The following TRIM3 variants were observed in gnomAD, a reference collection of about 807,000 sequenced individuals.
The protein encoded by TRIM3 is tripartite motif-containing protein 3.
A neutral mutation model predicts 66.6 loss-of-function variants in TRIM3; 13 were observed. That is an observed-to-expected ratio of 0.20 (90% CI 0.13 to 0.31). The LOEUF (loss-of-function observed/expected upper bound fraction) is 0.31. Among genes scored for constraint, TRIM3 ranks in the 10% least tolerant of loss-of-function variants. The pLI is 1.00. For missense variants in TRIM3, 711 were observed against 1,020.4 expected, an observed-to-expected ratio of 0.70 and a Z score of 4.13; for synonymous variants, 406 against 411.7, an observed-to-expected ratio of 0.99 and a Z score of 0.17.
chr11:6,464,768 C>T (rs1407446960), intron 2 of TRIM3, among the ~76,000 whole-genome samples: 1 of 152,104 alleles, frequency 6.6e-6, no homozygotes, highest in Non-Finnish European at 1.5e-5. Context: ...AGGCGGATTG[C>T]CTGAGTTCAG....
At chr11:6,460,915 T>C (rs1332864070) in intron 2 of TRIM3, among the ~76,000 whole-genome samples, 1 of 139,246 alleles carries the variant, frequency 7.2e-6, no homozygotes, top group East Asian at 2.0e-4. Flanking sequence ...TTTTTTTTTT[T>C]TTTTTTTTGA....
At position 6,456,582 on chromosome 11, in the gene TRIM3, TGTG is replaced by T; in HGVS notation, c.1141_1143del (p.His381del). ...TACACTAGCTCATATGTGCCATTCT[TGTG>T]GTCCACCACTGGCACCGGAAGGCGC... On this transcript the variant is annotated inframe_deletion, in exon 6 of 12. Coordinates refer to ENST00000345851, the MANE Select transcript of TRIM3 (RefSeq NM_033278.4). The surrounding 1 kb of genome is among the most constrained non-coding windows in gnomAD (Gnocchi z 6.4). The T allele has an allele frequency of 6.2e-7, 1 of 1,612,944 alleles. No individual in the cohort carries two copies. Among genetic ancestry groups the T allele is most frequent in the Non-Finnish European group, 8.5e-7 (1 of 1,179,836 alleles).
Position 6,448,657 on chromosome 11 carries a change from G to C in TRIM3, c.*371C>G. 1 of 489,576 alleles carries C rather than the reference G, an allele frequency of 2.0e-6. No homozygotes were observed. Among genetic ancestry groups the C allele is most frequent in the African/African-American group, 1.9e-5 (1 of 51,958 alleles). 30.3% of individuals were successfully genotyped at this position (489,576 alleles called of 1,614,324 possible). On this transcript the variant is annotated 3_prime_UTR_variant, in exon 12 of 12. Coordinates refer to ENST00000345851, the MANE Select transcript of TRIM3 (RefSeq NM_033278.4). ...TTAATATGGGGGGTGGGGTATTGCTGTCTCTGTCAGTGTGTATAGGGTGGT... is the reference window on the plus strand; with the variant it reads ...TTAATATGGGGGGTGGGGTATTGCTCTCTCTGTCAGTGTGTATAGGGTGGT...
Position 6,466,057 on chromosome 11 carries a change from C to T in TRIM3, c.-37-325G>A, listed in dbSNP as rs527911024. ...ATAATTTGAGAGTGTGACATAGTGCCTGTTGAGTGCATGGTACAGAGATGT... is the reference window on the plus strand; with the variant it reads ...ATAATTTGAGAGTGTGACATAGTGCTTGTTGAGTGCATGGTACAGAGATGT... On this transcript the variant is annotated intron_variant, in intron 1 of 11. Coordinates refer to ENST00000345851, the MANE Select transcript of TRIM3 (RefSeq NM_033278.4). Among the ~76,000 whole-genome samples, 11 of 152,288 alleles carry T rather than the reference C, an allele frequency of 7.2e-5. No homozygotes were observed. In the East Asian group the frequency reaches 1.9e-3, roughly 27 times the overall value.
chr11:6,448,655 CTG>C lies in TRIM3; in HGVS notation c.*371_*372del. Reference sequence around the variant, plus strand: ...ATTTAATATGGGGGGTGGGGTATTGCTGTCTCTGTCAGTGTGTATAGGGTGGT... The same window carrying C: ...ATTTAATATGGGGGGTGGGGTATTGCTCTCTGTCAGTGTGTATAGGGTGGT... On this transcript the variant is annotated 3_prime_UTR_variant, in exon 12 of 12. Transcript: ENST00000345851. 2.1e-6 allele frequency: 1 copy of C among 478,754 alleles called. No individual in the cohort carries two copies. The highest frequency in any genetic ancestry group is 3.7e-6 in the Non-Finnish European group (1 of 267,680). 29.7% of individuals were successfully genotyped at this position (478,754 alleles called of 1,614,324 possible).
chr11:6,464,986 C>CAA (rs544959608), intron 2 of TRIM3, among the ~76,000 whole-genome samples: 12,015 of 53,546 alleles, frequency 0.22, 1,878 homozygotes, highest in Non-Finnish European at 0.3. Flanking sequence ...GACTCCATCT[C>CAA]AAAAAAAAAA....
chr11:6,463,191 A>G (rs1850316855), intron 2 of TRIM3, among the ~76,000 whole-genome samples: 1 of 152,152 alleles, frequency 6.6e-6, no homozygotes, highest in Admixed American at 6.5e-5. Context: ...GGTGACAGAG[A>G]GAGACTCTGT....
rs1375538202 is a variant in TRIM3 at position 6,456,921 on chromosome 11, G to A, written c.805C>T (p.Leu269=). 4 of 1,611,660 alleles carry A rather than the reference G, an allele frequency of 2.5e-6. No homozygotes were observed. Among genetic ancestry groups the A allele is most frequent in the Admixed American group, 1.7e-5 (1 of 60,030 alleles). ...CGCTCTCGCATGTGCTTGCGCACCA[G>A]CAACACCTCCGGGGCCGAGCCCAGG... ...LRLGSAPEVL[L]VRKHMRERLA... The change falls in exon 6 of 12, where the codon CTG becomes TTG. Residue 269 remains leucine (L), a synonymous_variant. Coordinates refer to ENST00000345851, the MANE Select transcript of TRIM3 (RefSeq NM_033278.4). The surrounding 1 kb of genome is among the most constrained non-coding windows in gnomAD (Gnocchi z 6.4).
intron 7 of TRIM3, among the ~76,000 whole-genome samples, chr11:6,453,535 A>G (rs1401901061): frequency 6.6e-6 from 1 of 152,182 alleles, no homozygotes; most frequent in African/African-American, 2.4e-5. Flanking sequence ...CCAGACAAAA[A>G]CAAAAACAAA....
chr11:6,461,585 C>T (rs962871614), intron 2 of TRIM3, among the ~76,000 whole-genome samples: 2 of 151,612 alleles, frequency 1.3e-5, no homozygotes, highest in African/African-American at 4.9e-5. Context: ...CCCCCATTTC[C>T]CATGCTCCCA....
chr11:6,457,180 G>A lies in TRIM3; in HGVS notation c.696+116C>T. Reference sequence around the variant, plus strand: ...CACAGCACCTACCGAGGGCATGTCAGGAGGCAGAATATCTAGGCTGGGGAA... The same window carrying A: ...CACAGCACCTACCGAGGGCATGTCAAGAGGCAGAATATCTAGGCTGGGGAA... On this transcript the variant is annotated intron_variant, in intron 5 of 11. Coordinates refer to ENST00000345851, the MANE Select transcript of TRIM3 (RefSeq NM_033278.4). The surrounding 1 kb of genome is among the most constrained non-coding windows in gnomAD (Gnocchi z 4.5). 2.0e-6 allele frequency: 3 copies of A among 1,524,618 alleles called. No individual in the cohort carries two copies. In the South Asian group the frequency reaches 3.7e-5, roughly 19 times the overall value. The allele number at this position is 1,524,618 out of a possible 1,614,324, so 94.4% of individuals were successfully genotyped here. A position where few individuals can be genotyped will look rare whatever the true frequency, so the allele number is the denominator to read the frequency against.
In TRIM3 at chr11:6,449,850, G is replaced by A. The variant is rs933604139; in HGVS notation, c.1942-404C>T. The A allele has an allele frequency of 1.2e-5, 2 of 171,974 alleles. No homozygotes were observed. The highest frequency in any genetic ancestry group is 5.8e-5 in the Admixed American group (1 of 17,320). 10.7% of individuals were successfully genotyped at this position (171,974 alleles called of 1,614,324 possible). The stretch of plus-strand genomic sequence containing the variant: ...GCATACACTGTCTCGTCTTTCTCAC[G>A]GTCCAGGCTCACATCATTTCTCATC... On this transcript the variant is annotated intron_variant, in intron 10 of 11. Transcript: ENST00000345851. This position sits in a 1 kb window ranked among gnomAD's most constrained non-coding sequence, Gnocchi z 5.3.
Position 6,448,844 on chromosome 11 carries a change from A to G in TRIM3, c.*184T>C, listed in dbSNP as rs2134149308. ...CAGTCCAGGCTCACCCAGTCACCAA[A>G]GCAAGAACCGAATAAATAAAGTGCA... On this transcript the variant is annotated 3_prime_UTR_variant, in exon 12 of 12. Coordinates refer to ENST00000345851, the MANE Select transcript of TRIM3 (RefSeq NM_033278.4). The G allele has an allele frequency of 1.4e-6, 1 of 705,558 alleles. No individual in the cohort carries two copies. Among genetic ancestry groups the G allele is most frequent in the East Asian group, 2.7e-5 (1 of 37,166 alleles). The allele number at this position is 705,558 out of a possible 1,614,324, so 43.7% of individuals were successfully genotyped here.
In TRIM3 at chr11:6,465,597, C is replaced by T. The variant is rs1406240113; in HGVS notation, c.99G>A (p.Lys33=). The change falls in exon 2 of 12, where the codon AAG becomes AAA. Residue 33 remains lysine, a synonymous_variant. Coordinates refer to ENST00000345851, the MANE Select transcript of TRIM3 (RefSeq NM_033278.4). ...SICLDRYQCP[K]VLPCLHTFCE... ...AGAAGGTGTGCAGGCAAGGAAGAACCTTGGGGCACTGGTACCGATCCAGGC... is the reference window on the plus strand; with the variant it reads ...AGAAGGTGTGCAGGCAAGGAAGAACTTTGGGGCACTGGTACCGATCCAGGC... 3 of 1,614,172 alleles carry T rather than the reference C, an allele frequency of 1.9e-6. No homozygotes were observed. In the East Asian group the frequency reaches 6.7e-5, roughly 36 times the overall value.
intron 1 of TRIM3, among the ~76,000 whole-genome samples, chr11:6,466,511 T>C (rs932974183): frequency 6.6e-6 from 1 of 152,224 alleles, no homozygotes; most frequent in African/African-American, 2.4e-5. Flanking sequence ...AGTCCTTATA[T>C]TGACCAGTGA....
At chr11:6,465,346 C>A (rs1451140624) in intron 2 of TRIM3, among the ~76,000 whole-genome samples, 1 of 152,184 alleles carries the variant, frequency 6.6e-6, no homozygotes, top group Non-Finnish European at 1.5e-5. Context: ...TTGACAGGAA[C>A]CATGGCCCAG....
rs1850052337 is a variant in TRIM3, at chr11:6,457,577, C to T, written c.516-101G>A. ...CTGCTGCCCTCATGGAGATCTCCTT[C>T]CTGAGACCTCCCTGAGACTTCCATC... On this transcript the variant is annotated intron_variant, in intron 4 of 11. Coordinates refer to ENST00000345851, the MANE Select transcript of TRIM3 (RefSeq NM_033278.4). This position sits in a 1 kb window ranked among gnomAD's most constrained non-coding sequence, Gnocchi z 4.5. 1.3e-6 allele frequency: 2 copies of T among 1,548,240 alleles called. No individual in the cohort carries two copies. Among genetic ancestry groups the T allele is most frequent in the Admixed American group, 3.5e-5 (2 of 57,566 alleles).
chr11:6,474,455 G>A (rs1850860412), upstream of TRIM3: 3 of 152,412 alleles, frequency 2.0e-5, no homozygotes, highest in South Asian at 6.2e-4. Context: ...AACTCTGGGA[G>A]AAGGAGTTAA....
At chr11:6,452,637 C>CA (rs1564962641) in intron 7 of TRIM3, 1 of 152,250 alleles carries the variant, frequency 6.6e-6, no homozygotes, top group Non-Finnish European at 1.5e-5. Context: ...CTGACCAGCA[C>CA]AGCTCTTGGG....
Sources: gnomAD v4.1 joint callset for allele counts (sites outside exome capture counted in the v4.1 genomes callset) on GRCh38, gnomAD v4.1.1 for gene constraint, Gnocchi (gnomAD v3.1) non-coding constraint, MANE v1.5 for transcripts, NCBI Gene and HGNC (gene_info 2026-07-23, HGNC 2026-07-21) for gene names.